ELOVL2: variants seen among roughly 807,000 people sequenced by gnomAD.
ELOVL2 encodes ELOVL fatty acid elongase 2, also known as very long chain fatty acid elongase 2.
A neutral mutation model predicts 37.7 loss-of-function variants in ELOVL2; 38 were observed. The ratio of observed to expected loss-of-function variants is 1.01; its 90% CI spans 0.78 to 1.32. ELOVL2 has a LOEUF of 1.32. ELOVL2 is among the 40% of genes most tolerant of loss of function. The pLI is 0.00. For missense variants in ELOVL2, 352 were observed against 363.6 expected (o/e 0.97, Z 0.26); for synonymous variants, 115 against 122.3 (o/e 0.94, Z 0.40).
chr6:10,989,664 C>T (rs200803129), intron 7 of ELOVL2, 39 bp downstream of exon 7: 129 of 1,584,280 alleles, frequency 8.1e-5, no homozygotes, highest in Non-Finnish European at 1.0e-4. Context: ...TAGTGCCAAT[C>T]GATTACATTT....
At chr6:11,027,825 T>G (rs938942669) in intron 1 of ELOVL2, among the ~76,000 whole-genome samples, 1 of 152,184 alleles carries the variant, frequency 6.6e-6, no homozygotes, top group Non-Finnish European at 1.5e-5. Flanking sequence ...GAACATCTAC[T>G]AGGTATTAGG....
At position 10,981,216 on chromosome 6, in the gene ELOVL2, C is replaced by T. The variant is rs1781929322; in HGVS notation, c.*2565G>A. 1.3e-5 allele frequency: 2 copies of T among 152,148 alleles called. No homozygotes were observed. The highest frequency in any genetic ancestry group is 6.6e-5 in the Admixed American group (1 of 15,260). 9.4% of individuals were successfully genotyped at this position (152,148 alleles called of 1,614,324 possible). On this transcript the variant is annotated 3_prime_UTR_variant, in exon 8 of 8. Transcript: ENST00000354666. ...GGGAATTATTAATAGATATGCTTTA[C>T]AGTATTTAAGTATTTTCATTCCCAT...
intron 1 of ELOVL2, among the ~76,000 whole-genome samples, chr6:11,011,945 G>A (rs1446798354): frequency 6.6e-6 from 1 of 152,186 alleles, no homozygotes; most frequent in Non-Finnish European, 1.5e-5. Flanking sequence ...AGCTGAGCAT[G>A]ACAGCCTCGG....
intron 3 of ELOVL2, among the ~76,000 whole-genome samples, chr6:11,001,127 T>A (rs1782372142): frequency 6.6e-6 from 1 of 152,210 alleles, no homozygotes; most frequent in South Asian, 2.1e-4. Context: ...TTAAAATACA[T>A]ATACACAGCT....
In ELOVL2 at chr6:11,005,511, A is replaced by G; in HGVS notation, c.116T>C (p.Phe39Ser). ...GAGCAGATACATGACAGTAAGAAAAAAGGTAGGAAGGTAAGAGTCCAACAT... is the reference window on the plus strand; with the variant it reads ...GAGCAGATACATGACAGTAAGAAAAGAGGTAGGAAGGTAAGAGTCCAACAT... ...WFMLDSYLPT[F>S]FLTVMYLLSI... The change falls in exon 3 of 8, where the codon TTT becomes TCT. Residue 39 changes from phenylalanine to serine, a missense_variant. Coordinates refer to ENST00000354666, the MANE Select transcript of ELOVL2 (RefSeq NM_017770.4). 6.2e-7 allele frequency: 1 copy of G among 1,614,160 alleles called. No homozygotes were observed. Among genetic ancestry groups the G allele is most frequent in the Non-Finnish European group, 8.5e-7 (1 of 1,180,008 alleles).
chr6:11,006,639 G>A (rs1002554203), intron 2 of ELOVL2, among the ~76,000 whole-genome samples: 1 of 152,136 alleles, frequency 6.6e-6, no homozygotes, highest in African/African-American at 2.4e-5. Context: ...GCCCTACAGA[G>A]TACCATTTCT....
intron 1 of ELOVL2, among the ~76,000 whole-genome samples, chr6:11,019,052 C>G (rs1204084404): frequency 6.6e-6 from 1 of 152,126 alleles, no homozygotes; most frequent in African/African-American, 2.4e-5. Context: ...CCTTCTTGAT[C>G]AGGATAGTAT....
At chr6:11,000,648 C>T (rs1287203100) in intron 3 of ELOVL2, among the ~76,000 whole-genome samples, 1 of 152,170 alleles carries the variant, frequency 6.6e-6, no homozygotes, top group Non-Finnish European at 1.5e-5. Flanking sequence ...CCATTTTCTT[C>T]ACTGTATTTA....
Position 11,044,147 on chromosome 6 carries a change from C to T in ELOVL2, c.3+81G>A. On this transcript the variant is annotated intron_variant, in intron 1 of 7. Coordinates refer to ENST00000354666, the MANE Select transcript of ELOVL2 (RefSeq NM_017770.4). This position sits in a 1 kb window ranked among gnomAD's most constrained non-coding sequence, Gnocchi z 5.6. ...CGCAGCGCCCGCGCCGGCGCCCGCT[C>T]GGCCCTTTCCCGCCCGGTGCGTGGG... 1 of 1,394,742 alleles carries T rather than the reference C, an allele frequency of 7.2e-7. No homozygotes were observed. Among genetic ancestry groups the T allele is most frequent in the South Asian group, 1.5e-5 (1 of 66,426 alleles). 86.4% of individuals were successfully genotyped at this position (1,394,742 alleles called of 1,614,324 possible).
intron 1 of ELOVL2, among the ~76,000 whole-genome samples, chr6:11,028,929 C>T (rs897588777): frequency 2.0e-5 from 3 of 151,842 alleles, no homozygotes; most frequent in Non-Finnish European, 4.4e-5. Context: ...GTAGCATCTT[C>T]TTGTCACTCA....
chr6:10,987,917 C>T (rs1294624533), intron 7 of ELOVL2, among the ~76,000 whole-genome samples: 1 of 150,858 alleles, frequency 6.6e-6, no homozygotes, highest in Non-Finnish European at 1.5e-5. Context: ...ATAGTATTAA[C>T]AAGGATCCAA....
chr6:11,031,048 T>G (rs1436437473), intron 1 of ELOVL2, among the ~76,000 whole-genome samples: 1 of 152,230 alleles, frequency 6.6e-6, no homozygotes, highest in Non-Finnish European at 1.5e-5. Context: ...GTAGCACACT[T>G]ATCTTTCTGC....
chr6:11,014,534 A>G (rs933704464), intron 1 of ELOVL2, among the ~76,000 whole-genome samples: 2 of 150,664 alleles, frequency 1.3e-5, no homozygotes, highest in Non-Finnish European at 3.0e-5. Context: ...AGAGACATAT[A>G]CAGAGTAAAA....
chr6:11,026,794 T>C (rs1321528832), intron 1 of ELOVL2, among the ~76,000 whole-genome samples: 1 of 152,250 alleles, frequency 6.6e-6, no homozygotes, highest in East Asian at 1.9e-4. Flanking sequence ...GATTTCTTCA[T>C]ATCAACCTTA....
chr6:11,020,473 C>T (rs1782750178), intron 1 of ELOVL2, among the ~76,000 whole-genome samples: 1 of 152,206 alleles, frequency 6.6e-6, no homozygotes, highest in Non-Finnish European at 1.5e-5. Context: ...CAGAATCCGA[C>T]TATCTTCAAA....
intron 4 of ELOVL2, among the ~76,000 whole-genome samples, chr6:10,999,050 T>G (rs1164798437): frequency 1.3e-5 from 2 of 152,102 alleles, no homozygotes; most frequent in African/African-American, 4.8e-5. Context: ...AAAAAAGCAA[T>G]ACCGATGTTA....
In ELOVL2 at chr6:11,042,358, T is replaced by TA. The variant is rs201731620; in HGVS notation, c.3+1869dup. 3.2e-3 allele frequency among the ~76,000 whole-genome samples: 485 copies of TA among 150,904 alleles called. 3 individuals carry two copies. The highest frequency in any genetic ancestry group is 0.011 in the African/African-American group (466 of 41,232). ...AGTAATACAATTTGGATTTGGGTAT[T>TA]AAAAAAAAATTCCTCTGAAGACCCA... On this transcript the variant is annotated intron_variant, in intron 1 of 7. Coordinates refer to ENST00000354666, the MANE Select transcript of ELOVL2 (RefSeq NM_017770.4).
chr6:11,010,890 A>C, intron 1 of ELOVL2, 81 bp from the exon 2 acceptor site: 2 of 1,044,350 alleles, frequency 1.9e-6, no homozygotes, highest in Non-Finnish European at 1.4e-6. Context: ...TACCAACAAC[A>C]TGTAACTGAC....
chr6:11,012,949 T>C (rs970950401), intron 1 of ELOVL2, among the ~76,000 whole-genome samples: 2 of 152,168 alleles, frequency 1.3e-5, no homozygotes, highest in Non-Finnish European at 1.5e-5. Context: ...CTATAAAGGA[T>C]AGAGAAACAT....
Sources: gnomAD v4.1 joint callset for allele counts (sites outside exome capture counted in the v4.1 genomes callset) on GRCh38, gnomAD v4.1.1 for gene constraint, Gnocchi (gnomAD v3.1) non-coding constraint, MANE v1.5 for transcripts, NCBI Gene and HGNC (gene_info 2026-07-23, HGNC 2026-07-21) for gene names.